The following BFSP1 variants were observed in gnomAD, a reference collection of about 807,000 sequenced individuals.
BFSP1 encodes the protein beaded filament structural protein 1.
In BFSP1, 38 loss-of-function variants were observed where a neutral mutation model predicts 43.9. The observed-to-expected ratio is 0.87, with a 90% CI of 0.67 to 1.14. The LOEUF is 1.14. BFSP1 is among the 50% of genes most tolerant of loss of function. The probability of loss-of-function intolerance (pLI) is 0.00; values close to 1 mark genes in which losing one functional copy is unlikely to be tolerated. For missense variants in BFSP1, 850 were observed against 875.1 expected (o/e 0.97, Z 0.36); for synonymous variants, 352 against 354.8 (o/e 0.99, Z 0.09).
chr20:17,523,405 G>A (rs1237267446), intron 2 of BFSP1, among the ~76,000 whole-genome samples: 5 of 151,974 alleles, frequency 3.3e-5, no homozygotes, highest in African/African-American at 7.3e-5. Context: ...GCTGTGAAGG[G>A]TGCTGGGTCC....
rs557874644 is a variant in BFSP1, at chr20:17,538,385, C to T, written c.3-13477G>A. ...AGAGGTATAGAAGTTCCTTTTACTC[C>T]TCCTGCAACTTTTCCATAAGTTTGA... On this transcript the variant is annotated intron_variant, in intron 1 of 7. Coordinates refer to the BFSP1 transcript ENST00000377868. Among the ~76,000 whole-genome samples the T allele has an allele frequency of 3.7e-4, 56 of 152,222 alleles. 1 individual carries two copies. Among genetic ancestry groups the T allele is most frequent in the Non-Finnish European group, 1.6e-4 (11 of 68,020 alleles).
rs1480330931 is a variant in BFSP1 at position 17,514,735 on chromosome 20, C to T, written c.520G>A (p.Asp174Asn). The stretch of plus-strand genomic sequence containing the variant: ...GTCATGATTACCTTCTTGTGCCTGT[C>T]CTTTGCCGCACTGATATCATCTTGC... Reference protein sequence around the residue: ...FLQDDISAAKDRHKKNLLEVQ... With the variant: ...FLQDDISAAKNRHKKNLLEVQ... The change falls in exon 3 of 8, where the codon GAC becomes AAC. Residue 174 changes from aspartate (D) to asparagine (N), a missense_variant. Transcript: ENST00000377873. The T allele has an allele frequency of 1.2e-6, 2 of 1,613,912 alleles. No homozygotes were observed. Among genetic ancestry groups the T allele is most frequent in the African/African-American group, 1.3e-5 (1 of 74,932 alleles).
intron 3 of BFSP1, among the ~76,000 whole-genome samples, chr20:17,514,315 C>T (rs1327354253): frequency 6.6e-6 from 1 of 152,224 alleles, no homozygotes; most frequent in Non-Finnish European, 1.5e-5. Context: ...AGTCTGAGCA[C>T]TGCAGGAGAG....
chr20:17,512,817 T>C (rs2034118157), intron 3 of BFSP1, among the ~76,000 whole-genome samples: 1 of 152,196 alleles, frequency 6.6e-6, no homozygotes, highest in Non-Finnish European at 1.5e-5. Context: ...AGGCCTGGAC[T>C]AAAAGACTTA....
intron 1 of BFSP1, among the ~76,000 whole-genome samples, chr20:17,564,650 G>A (rs1355569286): frequency 1.3e-5 from 2 of 151,994 alleles, no homozygotes; most frequent in South Asian, 2.1e-4. Context: ...GTGCAGTGGC[G>A]CCATCTTCGC....
At chr20:17,563,867 A>G (rs965177200), upstream of BFSP1, among the ~76,000 whole-genome samples, 1 of 140,078 alleles carries the variant, frequency 7.1e-6, no homozygotes, top group Non-Finnish European at 1.5e-5. Context: ...AGCCTGGGTG[A>G]TAGAGCGAGA....
chr20:17,511,117 C>CTA (rs11470474), intron 4 of BFSP1, among the ~76,000 whole-genome samples: 315 of 150,936 alleles, frequency 2.1e-3, no homozygotes, highest in Non-Finnish European at 3.0e-3. Context: ...CAGCACCAGT[C>CTA]TATATATATA....
At chr20:17,549,654 G>T (rs892271674) in intron 1 of BFSP1, among the ~76,000 whole-genome samples, 39 of 152,054 alleles carry the variant, frequency 2.6e-4, no homozygotes, top group Admixed American at 2.6e-3. Context: ...TGGGAAACAT[G>T]GTGAAACCCC....
intron 1 of BFSP1, among the ~76,000 whole-genome samples, chr20:17,565,202 T>A (rs147897657): frequency 6.6e-6 from 1 of 152,192 alleles, no homozygotes; most frequent in African/African-American, 2.4e-5. Flanking sequence ...TTGAATAAAC[T>A]GTCAGTGGAG....
At chr20:17,533,584 T>C (rs775529632), upstream of BFSP1, among the ~76,000 whole-genome samples, 3 of 152,192 alleles carry the variant, frequency 2.0e-5, no homozygotes, top group Admixed American at 6.5e-5. Context: ...CCCAGGCCTT[T>C]GTTTGCATCA....
At chr20:17,519,375 C>T (rs1003996887) in intron 2 of BFSP1, among the ~76,000 whole-genome samples, 2 of 152,198 alleles carry the variant, frequency 1.3e-5, no homozygotes, top group Non-Finnish European at 2.9e-5. Flanking sequence ...GCTCAGCTGC[C>T]CTCTTCCCTC....
upstream of BFSP1, among the ~76,000 whole-genome samples, chr20:17,559,566 C>T (rs907331319): frequency 2.6e-5 from 4 of 152,156 alleles, no homozygotes; most frequent in African/African-American, 9.7e-5. Context: ...ATCCAGAGCA[C>T]GAGTCCCCAC....
At chr20:17,538,835 G>C (rs759090866) in intron 1 of BFSP1, among the ~76,000 whole-genome samples, 3 of 152,082 alleles carry the variant, frequency 2.0e-5, no homozygotes, top group Non-Finnish European at 4.4e-5. Flanking sequence ...TCTAGCCATG[G>C]TATTCATATT....
At chr20:17,495,096 T>C (rs2033600625) in intron 7 of BFSP1, 67 bp from the exon 8 acceptor site, 3 of 1,435,682 alleles carry the variant, frequency 2.1e-6, no homozygotes, top group African/African-American at 2.9e-5. Context: ...ATACGCTGGT[T>C]GGAAAATAGG....
upstream of BFSP1, among the ~76,000 whole-genome samples, chr20:17,532,101 T>C (rs931673668): frequency 1.4e-4 from 22 of 152,256 alleles, no homozygotes; most frequent in African/African-American, 5.3e-4. Flanking sequence ...CTTTCTTGAA[T>C]GGAAAAAACA....
chr20:17,539,960 A>G (rs748604446), intron 1 of BFSP1, among the ~76,000 whole-genome samples: 3 of 152,204 alleles, frequency 2.0e-5, no homozygotes, highest in Non-Finnish European at 4.4e-5. Flanking sequence ...AAGCTATTTT[A>G]TGAACTATTT....
intron 1 of BFSP1, among the ~76,000 whole-genome samples, chr20:17,544,321 C>G (rs539492254): frequency 1.3e-5 from 2 of 152,334 alleles, no homozygotes; most frequent in South Asian, 4.1e-4. Flanking sequence ...GCTCCCTACA[C>G]AGCCCCAACT....
chr20:17,495,505 G>A (rs1039127015), intron 7 of BFSP1, among the ~76,000 whole-genome samples: 1 of 152,184 alleles, frequency 6.6e-6, no homozygotes, highest in Non-Finnish European at 1.5e-5. Context: ...CTTCTGACAT[G>A]CTCAGATGGC....
chr20:17,504,943 T>TA (rs35319868), intron 5 of BFSP1, among the ~76,000 whole-genome samples: 8,723 of 139,380 alleles, frequency 0.063, 301 homozygotes, highest in Non-Finnish European at 0.085. Context: ...TGTTTTGTCT[T>TA]AAAAAAAAAA....
Sources: allele counts gnomAD v4.1 joint callset (sites outside exome capture counted in the v4.1 genomes callset), GRCh38; gene constraint gnomAD v4.1.1; transcripts MANE v1.5; gene names NCBI Gene and HGNC (gene_info 2026-07-23, HGNC 2026-07-21).